Variants in CTNNA1 observed in about 807,000 individuals in gnomAD.
CTNNA1 encodes catenin alpha 1.
CTNNA1 carries 37 observed loss-of-function variants against 98.4 expected under a neutral mutation model. The ratio of observed to expected loss-of-function variants is 0.38; its 90% CI spans 0.29 to 0.49. The LOEUF is 0.49. Among genes scored for constraint, CTNNA1 ranks in the 20% least tolerant of loss-of-function variants. The pLI, the probability that CTNNA1 is intolerant of heterozygous loss-of-function variation, is 0.95. For missense variants in CTNNA1, 761 were observed against 1,147.2 expected (o/e 0.66, Z 4.86); for synonymous variants, 404 against 413.2 (o/e 0.98, Z 0.27).
chr5:138,766,958 A>G (rs1271207620), intron 1 of CTNNA1, among the ~76,000 whole-genome samples: 1 of 152,124 alleles, frequency 6.6e-6, no homozygotes, highest in Non-Finnish European at 1.5e-5. Context: ...GAACAGTAAG[A>G]ATACAGTGGG....
chr5:138,829,120 A>C (rs76399278), intron 7 of CTNNA1, among the ~76,000 whole-genome samples: 2 of 149,618 alleles, frequency 1.3e-5, no homozygotes, highest in African/African-American at 4.9e-5. Flanking sequence ...AGAGTGTCTC[A>C]AAAAAAAAAG....
chr5:138,776,443 C>T (rs1373980466), intron 1 of CTNNA1, among the ~76,000 whole-genome samples: 2 of 152,192 alleles, frequency 1.3e-5, no homozygotes, highest in Non-Finnish European at 2.9e-5. Context: ...GTGTCTGCCT[C>T]TTTCTACACA....
At position 138,874,989 on chromosome 5, in the gene CTNNA1, T is replaced by C; in HGVS notation, c.1063-11223T>C. 4 of 1,467,258 alleles carry C rather than the reference T, an allele frequency of 2.7e-6. No homozygotes were observed. In the Middle Eastern group the frequency reaches 6.9e-4, roughly 254 times the overall value. The allele number at this position is 1,467,258 out of a possible 1,614,324, so 90.9% of individuals were successfully genotyped here. On this transcript the variant is annotated intron_variant, in intron 7 of 17. Transcript: ENST00000302763. The surrounding 1 kb of genome is among the most constrained non-coding windows in gnomAD (Gnocchi z 4.1). ...AGTGAGTCTGTAAAAGGCTCTAACA[T>C]GTAGGAGCCTTTGACCAGTTTCCTG... is the stretch of plus-strand genomic sequence containing the variant.
intron 7 of CTNNA1, among the ~76,000 whole-genome samples, chr5:138,860,104 A>T (rs288014): frequency 3.3e-5 from 5 of 151,798 alleles, no homozygotes; most frequent in Middle Eastern, 3.4e-3. Flanking sequence ...TTATTTTCCA[A>T]TGTGGTACCT....
intron 5 of CTNNA1, among the ~76,000 whole-genome samples, chr5:138,818,009 C>T (rs1025351928): frequency 3.3e-5 from 5 of 152,130 alleles, no homozygotes; most frequent in South Asian, 4.2e-4. Context: ...GCCTTAGCCC[C>T]GTCCCTGCGC....
chr5:138,891,891 A>G (rs1032094080), intron 9 of CTNNA1, among the ~76,000 whole-genome samples: 6 of 152,224 alleles, frequency 3.9e-5, no homozygotes, highest in Admixed American at 3.3e-4. Flanking sequence ...GCTTAAGGCA[A>G]ACCTGCCTCC....
Position 138,932,276 on chromosome 5 carries a change from G to A in CTNNA1, c.2299-302G>A, listed in dbSNP as rs1765524933. ...TTTGGGGTGAGGGGATCCTTGGCCA[G>A]GGTGGTTTCCCCGCCGTCATAGGAG... On this transcript the variant is annotated intron_variant, in intron 16 of 17. Coordinates refer to ENST00000302763, the MANE Select transcript of CTNNA1 (RefSeq NM_001903.5). 8 of 1,162,358 alleles carry A rather than the reference G, an allele frequency of 6.9e-6. No homozygotes were observed. In the Admixed American group the frequency reaches 3.0e-4, roughly 44 times the overall value. The allele number at this position is 1,162,358 out of a possible 1,614,324, so 72.0% of individuals were successfully genotyped here. A position where few individuals can be genotyped will look rare whatever the true frequency, so the allele number is the denominator to read the frequency against.
intron 5 of CTNNA1, among the ~76,000 whole-genome samples, chr5:138,814,894 TAAGC>T (rs551596533): frequency 4.9e-4 from 75 of 152,212 alleles, no homozygotes; most frequent in Middle Eastern, 3.4e-3. Context: ...GCTGGGACTA[TAAGC>T]GCCTGTCACC....
At chr5:138,856,039 A>G (rs1763693427) in intron 7 of CTNNA1, among the ~76,000 whole-genome samples, 1 of 152,160 alleles carries the variant, frequency 6.6e-6, no homozygotes, top group Non-Finnish European at 1.5e-5. Context: ...AAATCCTGAA[A>G]CTTGTTGATA....
intron 13 of CTNNA1, 149 bp from the exon 14 acceptor site, chr5:138,929,097 A>C (rs1475543955): frequency 1.5e-6 from 1 of 686,708 alleles, no homozygotes; most frequent in Admixed American, 2.1e-5. Context: ...ATGCTGAGTG[A>C]TTTTGACTTT....
chr5:138,831,977 A>G (rs894470132), intron 7 of CTNNA1, among the ~76,000 whole-genome samples: 2 of 152,184 alleles, frequency 1.3e-5, no homozygotes, highest in Non-Finnish European at 2.9e-5. Context: ...TCTACAGTGG[A>G]TGAAGGAGGA....
At chr5:138,790,482 GTTAT>G (rs1433010303) in intron 3 of CTNNA1, among the ~76,000 whole-genome samples, 1 of 152,152 alleles carries the variant, frequency 6.6e-6, no homozygotes, top group Non-Finnish European at 1.5e-5. Flanking sequence ...TCTGAAACAT[GTTAT>G]TTGTGTGAGT....
At chr5:138,928,145 G>A (rs1342086954) in intron 13 of CTNNA1, among the ~76,000 whole-genome samples, 1 of 152,134 alleles carries the variant, frequency 6.6e-6, no homozygotes, top group Non-Finnish European at 1.5e-5. Flanking sequence ...CGAGAGACTC[G>A]CCTCACTGCC....
At chr5:138,802,411 C>T (rs941830050) in intron 3 of CTNNA1, among the ~76,000 whole-genome samples, 1 of 152,018 alleles carries the variant, frequency 6.6e-6, no homozygotes, top group Non-Finnish European at 1.5e-5. Context: ...TGGGCTCAAT[C>T]GATTCTCCTA....
rs375071536 is a variant in CTNNA1 at position 138,934,952 on chromosome 5, CTTAT to C, written c.*867_*870del. The C allele has an allele frequency of 6.6e-6, 1 of 152,386 alleles. No homozygotes were observed. Among genetic ancestry groups the C allele is most frequent in the African/African-American group, 2.4e-5 (1 of 41,440 alleles). The allele number at this position is 152,386 out of a possible 1,614,324, so 9.4% of individuals were successfully genotyped here. A position where few individuals can be genotyped will look rare whatever the true frequency, so the allele number is the denominator to read the frequency against. ...ACTACAAGGTATAATTTACTATCAC[CTTAT>C]TTAAATTTTATGAATTAATTTGAAT... On this transcript the variant is annotated 3_prime_UTR_variant, in exon 18 of 18. Coordinates refer to ENST00000302763, the MANE Select transcript of CTNNA1 (RefSeq NM_001903.5).
intron 7 of CTNNA1, among the ~76,000 whole-genome samples, chr5:138,840,995 C>G (rs1762221162): frequency 6.6e-6 from 1 of 152,084 alleles, no homozygotes; most frequent in African/African-American, 2.4e-5. Flanking sequence ...CCAAACTGTC[C>G]TTGTCGGAGA....
At position 138,874,954 on chromosome 5, in the gene CTNNA1, G is replaced by C. The variant is rs767295988; in HGVS notation, c.1063-11258G>C. On this transcript the variant is annotated intron_variant, in intron 7 of 17. Coordinates refer to ENST00000302763, the MANE Select transcript of CTNNA1 (RefSeq NM_001903.5). This position sits in a 1 kb window ranked among gnomAD's most constrained non-coding sequence, Gnocchi z 4.1. ...AGGCTGCATTCAGTCGCGGTTGTTA[G>C]ACTCAACGCAGTGAGTCTGTAAAAG... The C allele has an allele frequency of 1.9e-6, 3 of 1,611,840 alleles. No homozygotes were observed. The highest frequency in any genetic ancestry group is 1.7e-5 in the Admixed American group (1 of 59,948).
At chr5:138,800,271 C>T (rs1757433552) in intron 3 of CTNNA1, among the ~76,000 whole-genome samples, 1 of 152,088 alleles carries the variant, frequency 6.6e-6, no homozygotes, top group African/African-American at 2.4e-5. Flanking sequence ...TGTGTGGGTG[C>T]AGGGCTGCTA....
chr5:138,772,104 G>T (rs1293499580), intron 1 of CTNNA1, among the ~76,000 whole-genome samples: 2 of 152,226 alleles, frequency 1.3e-5, no homozygotes, highest in East Asian at 3.8e-4. Flanking sequence ...CAGTTTGCCA[G>T]TTATCAGCCC....
Sources: gnomAD v4.1 joint callset for allele counts (sites outside exome capture counted in the v4.1 genomes callset) on GRCh38, gnomAD v4.1.1 for gene constraint, Gnocchi (gnomAD v3.1) non-coding constraint, MANE v1.5 for transcripts, NCBI Gene and HGNC (gene_info 2026-07-23, HGNC 2026-07-21) for gene names.